WWOX: variants seen among roughly 807,000 people sequenced by gnomAD.
The protein encoded by WWOX is WW domain-containing oxidoreductase.
In WWOX, 69 loss-of-function variants were observed where a neutral mutation model predicts 46.2. The ratio of observed to expected loss-of-function variants is 1.49; its 90% confidence interval spans 1.23 to 1.82. The LOEUF is 1.82. WWOX is among the 40% of genes most tolerant of loss of function. The probability of loss-of-function intolerance (pLI) is 0.00; values close to 1 mark genes in which losing one functional copy is unlikely to be tolerated. For synonymous variants in WWOX, 359 were observed against 202.6 expected, an observed-to-expected ratio of 1.77 and a Z score of -6.56; for missense variants, 919 against 542.6, an observed-to-expected ratio of 1.69 and a Z score of -6.89.
At chr16:78,866,758 C>G (rs2044013039) in intron 8 of WWOX, among the ~76,000 whole-genome samples, 1 of 152,196 alleles carries the variant, frequency 6.6e-6, no homozygotes, top group East Asian at 1.9e-4. Context: ...CAGCCACGGG[C>G]TATCCAGGGA....
At chr16:78,919,822 T>C (rs2151267876) in intron 8 of WWOX, among the ~76,000 whole-genome samples, 1 of 152,300 alleles carries the variant, frequency 6.6e-6, no homozygotes, top group African/African-American at 2.4e-5. Flanking sequence ...ACTAAGTGGC[T>C]TTATTTTCTT....
In WWOX at chr16:79,090,567, T is replaced by G. The variant is rs577130299; in HGVS notation, c.1057-121041T>G. On this transcript the variant is annotated intron_variant, in intron 8 of 8. Coordinates refer to ENST00000566780, the MANE Select transcript of WWOX (RefSeq NM_016373.4). ...GCTGTAAAGATAATTCATTCCTGTT[T>G]AGAGGGCTGAGGACAGGAAGACGAT... is the stretch of plus-strand genomic sequence containing the variant. Among the ~76,000 whole-genome samples the G allele has an allele frequency of 7.9e-5, 12 of 152,214 alleles. No individual in the cohort carries two copies. In the South Asian group the frequency reaches 2.5e-3, roughly 32 times the overall value.
intron 8 of WWOX, among the ~76,000 whole-genome samples, chr16:78,687,080 T>A (rs566490448): frequency 7.5e-6 from 1 of 133,348 alleles, no homozygotes; most frequent in South Asian, 2.5e-4. Context: ...TATTTTATCA[T>A]TTAAAACACA....
chr16:78,186,979 T>C (rs1430604798), intron 5 of WWOX, among the ~76,000 whole-genome samples: 1 of 152,146 alleles, frequency 6.6e-6, no homozygotes, highest in Non-Finnish European at 1.5e-5. Flanking sequence ...TGCTAGTGTT[T>C]GCATGTACTC....
intron 8 of WWOX, among the ~76,000 whole-genome samples, chr16:78,565,945 G>A (rs1308546757): frequency 7.3e-6 from 1 of 136,916 alleles, no homozygotes; most frequent in Non-Finnish European, 1.5e-5. Flanking sequence ...TCATACAATG[G>A]CGATTGTTTT....
intron 8 of WWOX, among the ~76,000 whole-genome samples, chr16:78,718,412 A>C (rs1220694511): frequency 6.6e-6 from 1 of 152,316 alleles, no homozygotes; most frequent in African/African-American, 2.4e-5. Context: ...AAATAAATTT[A>C]ATGTTTTTTT....
chr16:78,553,748 C>T lies in WWOX; in HGVS notation c.1056+120996C>T, dbSNP rs572939612. Among the ~76,000 whole-genome samples the T allele has an allele frequency of 5.3e-5, 8 of 152,032 alleles. No homozygotes were observed. The South Asian group carries it at 1.7e-3, about 32-fold the overall frequency. On this transcript the variant is annotated intron_variant, in intron 8 of 8. Coordinates refer to ENST00000566780, the MANE Select transcript of WWOX (RefSeq NM_016373.4). ...GGCCTGGGAGAGACAGCAGGGTGAC[C>T]AGAGTAAGTGAAGTCACCGAGGTGC...
At chr16:78,819,234 G>C (rs147318017) in intron 8 of WWOX, among the ~76,000 whole-genome samples, 2 of 152,128 alleles carry the variant, frequency 1.3e-5, no homozygotes, top group East Asian at 1.9e-4. Flanking sequence ...GTTGTCTTCA[G>C]TGACCCCCAG....
rs79869494 is a variant in WWOX at position 78,416,389 on chromosome 16, C to G, written c.606-8481C>G. ...TTTACAATTAAAACAAAGTCAAGCA[C>G]TTTATAGTTTCATATTCCACAAGCC... is the stretch of plus-strand genomic sequence containing the variant. On this transcript the variant is annotated intron_variant, in intron 6 of 8. Transcript: ENST00000566780. Among the ~76,000 whole-genome samples the G allele has an allele frequency of 6.5e-3, 992 of 152,256 alleles. 27 individuals are homozygous for G. Among genetic ancestry groups the G allele is most frequent in the East Asian group, 0.063 (324 of 5,172 alleles).
rs1188938906 is a variant in WWOX at position 78,928,438 on chromosome 16, G to A, written c.1057-283170G>A. Among the ~76,000 whole-genome samples the A allele has an allele frequency of 4.6e-5, 7 of 152,042 alleles. No homozygotes were observed. In the East Asian group the frequency reaches 1.4e-3, roughly 29 times the overall value. ...AGGATGGTCTCGATCTCCTGACCTC[G>A]TGATCTGCCCGCCTCGGCCTCCCAA... On this transcript the variant is annotated intron_variant, in intron 8 of 8. Transcript: ENST00000566780.
Position 78,406,385 on chromosome 16 carries a change from G to T in WWOX, c.606-18485G>T, listed in dbSNP as rs189401337. 5.8e-4 allele frequency among the ~76,000 whole-genome samples: 70 copies of T among 120,044 alleles called. 1 individual carries two copies. In the East Asian group the frequency reaches 0.015, roughly 26 times the overall value. 78.8% of individuals were successfully genotyped at this position (120,044 alleles called of 152,430 possible). ...TTATTTTTTTTTGAGACGGAGTCTT[G>T]CTCTGTCACCAGGCTGGAGTGCAGT... On this transcript the variant is annotated intron_variant, in intron 6 of 8. Transcript: ENST00000566780.
At chr16:78,183,351 A>G (rs1199804184) in intron 5 of WWOX, among the ~76,000 whole-genome samples, 2 of 152,188 alleles carry the variant, frequency 1.3e-5, no homozygotes, top group Non-Finnish European at 2.9e-5. Context: ...CAATGCCTGT[A>G]TTTCTCATCA....
At chr16:78,515,342 A>G (rs1286386168) in intron 8 of WWOX, among the ~76,000 whole-genome samples, 1 of 152,238 alleles carries the variant, frequency 6.6e-6, no homozygotes, top group Non-Finnish European at 1.5e-5. Context: ...GGAATTGAAG[A>G]TGTAATTTCA....
intron 8 of WWOX, among the ~76,000 whole-genome samples, chr16:78,839,683 C>T (rs566156727): frequency 1.7e-4 from 26 of 152,232 alleles, no homozygotes; most frequent in Admixed American, 7.9e-4. Context: ...TAAGGTTAGG[C>T]TGGAGGGCAT....
At chr16:78,572,151 C>G (rs1390522733) in intron 8 of WWOX, among the ~76,000 whole-genome samples, 3 of 152,142 alleles carry the variant, frequency 2.0e-5, no homozygotes, top group African/African-American at 7.2e-5. Flanking sequence ...TTTGTGATAG[C>G]AAGAACCTGA....
At chr16:78,825,762 A>G (rs2151150246) in intron 8 of WWOX, 1 of 597,188 alleles carries the variant, frequency 1.7e-6, no homozygotes, top group Non-Finnish European at 3.1e-6. Context: ...AGCGGAGACC[A>G]TGTTAACTAG....
intron 8 of WWOX, among the ~76,000 whole-genome samples, chr16:78,672,069 C>T (rs2047477665): frequency 1.3e-5 from 2 of 152,164 alleles, no homozygotes; most frequent in Admixed American, 1.3e-4. Flanking sequence ...GATTAAAAAG[C>T]ATTCTGTTAT....
chr16:78,188,913 C>G (rs370710611), intron 5 of WWOX, among the ~76,000 whole-genome samples: 14 of 152,252 alleles, frequency 9.2e-5, no homozygotes, highest in East Asian at 3.9e-4. Flanking sequence ...AGATCAGACT[C>G]TGCTTTAAAG....
chr16:78,824,772 C>T (rs1029735801), intron 8 of WWOX, among the ~76,000 whole-genome samples: 5 of 152,078 alleles, frequency 3.3e-5, no homozygotes, highest in African/African-American at 1.2e-4. Flanking sequence ...GCCCTGGGTC[C>T]CTCCCACAAC....
Sources: gnomAD v4.1 joint callset for allele counts (sites outside exome capture counted in the v4.1 genomes callset) on GRCh38, gnomAD v4.1.1 for gene constraint, MANE v1.5 for transcripts, NCBI Gene and HGNC (gene_info 2026-07-23, HGNC 2026-07-21) for gene names.